Variants in DGKI observed in about 807,000 individuals in gnomAD.
DGKI encodes DAG kinase iota.
In DGKI, 55 loss-of-function variants were observed where a neutral mutation model predicts 147.5. That is an observed-to-expected ratio of 0.37 (90% CI 0.30 to 0.47). The LOEUF is 0.47. Among genes scored for constraint, DGKI ranks in the 20% least tolerant of loss-of-function variants. The pLI, the probability that DGKI is intolerant of heterozygous loss-of-function variation, is 1.00. For missense variants in DGKI, 1,007 were observed against 1,323.8 expected, an observed-to-expected ratio of 0.76 and a Z score of 3.71; for synonymous variants, 469 against 477.1, an observed-to-expected ratio of 0.98 and a Z score of 0.22.
At chr7:137,586,427 A>G (rs1406947321) in intron 13 of DGKI, among the ~76,000 whole-genome samples, 1 of 151,866 alleles carries the variant, frequency 6.6e-6, no homozygotes, top group Non-Finnish European at 1.5e-5. Flanking sequence ...ACTGCATCTC[A>G]AAAAAGAAAA....
chr7:137,470,401 CT>C (rs754553166), intron 23 of DGKI, among the ~76,000 whole-genome samples: 1 of 152,176 alleles, frequency 6.6e-6, no homozygotes, highest in Non-Finnish European at 1.5e-5. Flanking sequence ...AAGTCAATCA[CT>C]TAATTTAGAC....
chr7:137,540,547 T>C (rs2128960836), intron 20 of DGKI, among the ~76,000 whole-genome samples: 1 of 152,058 alleles, frequency 6.6e-6, no homozygotes, highest in Middle Eastern at 3.4e-3. Flanking sequence ...TAGCTAGGCA[T>C]GGTACCATGT....
chr7:137,623,461 C>G, intron 7 of DGKI, 22 bp downstream of exon 7: 1 of 1,609,904 alleles, frequency 6.2e-7, no homozygotes, highest in Non-Finnish European at 8.5e-7. Context: ...GCCCACATTG[C>G]TTTATTTCAT....
At chr7:137,412,570 G>A (rs1812203269) in intron 28 of DGKI, among the ~76,000 whole-genome samples, 1 of 152,206 alleles carries the variant, frequency 6.6e-6, no homozygotes, top group Non-Finnish European at 1.5e-5. Context: ...AGAGCAGGTT[G>A]TAACTTAGTA....
chr7:137,436,250 GC>G (rs1813281238), intron 28 of DGKI, among the ~76,000 whole-genome samples: 1 of 152,112 alleles, frequency 6.6e-6, no homozygotes, highest in Non-Finnish European at 1.5e-5. Context: ...GAAGTATGGG[GC>G]TACAAGAAGT....
At chr7:137,568,879 G>A (rs73728732) in intron 19 of DGKI, among the ~76,000 whole-genome samples, 6,226 of 148,672 alleles carry the variant, frequency 0.042, 285 homozygotes, top group African/African-American at 0.11. Context: ...CTAAATATAC[G>A]AATTAGTATA....
At chr7:137,753,018 G>A (rs1271663269) in intron 1 of DGKI, among the ~76,000 whole-genome samples, 1 of 147,554 alleles carries the variant, frequency 6.8e-6, no homozygotes, top group Non-Finnish European at 1.5e-5. Flanking sequence ...CGTGTTACTA[G>A]TGCATGCTAG....
intron 28 of DGKI, among the ~76,000 whole-genome samples, chr7:137,441,941 C>T (rs940728809): frequency 6.6e-6 from 1 of 152,020 alleles, no homozygotes; most frequent in Non-Finnish European, 1.5e-5. Flanking sequence ...CCATAGTACA[C>T]ATGAGCTCTT....
chr7:137,687,828 T>A (rs528139660), intron 2 of DGKI, among the ~76,000 whole-genome samples: 1 of 152,270 alleles, frequency 6.6e-6, no homozygotes, highest in East Asian at 1.9e-4. Context: ...GCTAAGTGTT[T>A]CGTGTCATGC....
intron 1 of DGKI, among the ~76,000 whole-genome samples, chr7:137,829,516 T>C (rs1037962380): frequency 6.6e-6 from 1 of 152,232 alleles, no homozygotes; most frequent in African/African-American, 2.4e-5. Flanking sequence ...GATGAAAACG[T>C]TCTGTAACTG....
At chr7:137,680,270 C>T (rs910484293) in intron 2 of DGKI, among the ~76,000 whole-genome samples, 4 of 152,156 alleles carry the variant, frequency 2.6e-5, no homozygotes, top group African/African-American at 9.7e-5. Flanking sequence ...GACTTCCCAG[C>T]CACCAGAACT....
intron 28 of DGKI, among the ~76,000 whole-genome samples, chr7:137,421,306 T>A (rs1812561401): frequency 6.6e-6 from 1 of 152,240 alleles, no homozygotes; most frequent in Admixed American, 6.5e-5. Flanking sequence ...CATCTTAGAT[T>A]GTGTAACCAT....
At chr7:137,820,583 A>G (rs985223668) in intron 1 of DGKI, among the ~76,000 whole-genome samples, 1 of 152,162 alleles carries the variant, frequency 6.6e-6, no homozygotes, top group African/African-American at 2.4e-5. Context: ...TCTTGTTTCA[A>G]CAGTTGCTAC....
intron 32 of DGKI, among the ~76,000 whole-genome samples, chr7:137,392,333 T>C (rs1301632098): frequency 6.6e-6 from 1 of 152,152 alleles, no homozygotes; most frequent in East Asian, 1.9e-4. Flanking sequence ...CTGTATATAT[T>C]ACTTGGCATC....
intron 1 of DGKI, among the ~76,000 whole-genome samples, chr7:137,841,165 G>A (rs1563222284): frequency 1.3e-5 from 2 of 152,292 alleles, no homozygotes; most frequent in South Asian, 2.1e-4. Context: ...GAAAGAACAG[G>A]GGAGCACCAG....
chr7:137,513,512 T>C (rs1162241607), intron 21 of DGKI, among the ~76,000 whole-genome samples: 1 of 152,240 alleles, frequency 6.6e-6, no homozygotes, highest in Non-Finnish European at 1.5e-5. Context: ...GTTAAATACC[T>C]TAAAAGAGCA....
intron 12 of DGKI, among the ~76,000 whole-genome samples, chr7:137,594,326 C>T (rs138539306): frequency 7.9e-5 from 12 of 152,232 alleles, no homozygotes; most frequent in South Asian, 4.2e-4. Flanking sequence ...GGATTATAGG[C>T]GTGAGCCACC....
At chr7:137,605,280 C>G (rs372983914) in intron 10 of DGKI, among the ~76,000 whole-genome samples, 2 of 148,802 alleles carry the variant, frequency 1.3e-5, no homozygotes, top group East Asian at 4.0e-4. Flanking sequence ...TGCACTCCAG[C>G]CTGGGTGACA....
chr7:137,718,130 G>A (rs542078830), intron 1 of DGKI, among the ~76,000 whole-genome samples: 119 of 152,294 alleles, frequency 7.8e-4, no homozygotes, highest in Middle Eastern at 3.4e-3. Context: ...CGGGTGGGCT[G>A]GATGGCTTGT....
Sources: allele counts gnomAD v4.1 joint callset (sites outside exome capture counted in the v4.1 genomes callset), GRCh38; gene constraint gnomAD v4.1.1; transcripts MANE v1.5; gene names NCBI Gene and HGNC (gene_info 2026-07-23, HGNC 2026-07-21).